ENTREP2: variants seen among roughly 807,000 people sequenced by gnomAD.
The protein encoded by ENTREP2 is endosomal transmembrane epsin interactor 2.
the ENTREP2 span, among the ~76,000 whole-genome samples, chr15:29,208,793 C>T: frequency 2.0e-5 from 3 of 152,146 alleles, no homozygotes; most frequent in African/African-American, 7.2e-5. Context: ...TCCACAATAG[C>T]CTCACACTGG....
At chr15:29,654,049 A>C in the ENTREP2 span, among the ~76,000 whole-genome samples, 3 of 152,346 alleles carry the variant, frequency 2.0e-5, no homozygotes, top group Middle Eastern at 3.4e-3. Context: ...ACAGATCAGT[A>C]TAGCTATACT....
chr15:29,503,112 T>C, the ENTREP2 span, among the ~76,000 whole-genome samples: 3 of 152,102 alleles, frequency 2.0e-5, no homozygotes, highest in Non-Finnish European at 4.4e-5. Flanking sequence ...CCTAACAGTA[T>C]TGAAAAGATA....
the ENTREP2 span, among the ~76,000 whole-genome samples, chr15:29,290,007 C>T: frequency 7.2e-5 from 11 of 152,250 alleles, no homozygotes; most frequent in South Asian, 4.1e-4. Flanking sequence ...GGAGGAACTA[C>T]GGCTAAATGC....
the ENTREP2 span, among the ~76,000 whole-genome samples, chr15:29,195,929 C>T: frequency 6.6e-6 from 1 of 152,132 alleles, no homozygotes; most frequent in Non-Finnish European, 1.5e-5. Context: ...TTTTGCTTTT[C>T]AGAATAAAAC....
At chr15:29,467,482 C>T in the ENTREP2 span, among the ~76,000 whole-genome samples, 4 of 152,216 alleles carry the variant, frequency 2.6e-5, no homozygotes, top group South Asian at 6.2e-4. Flanking sequence ...TCAGCTAAAA[C>T]GCCAAGGAAA....
chr15:29,551,814 G>T, the ENTREP2 span, among the ~76,000 whole-genome samples: 1 of 147,678 alleles, frequency 6.8e-6, no homozygotes, highest in African/African-American at 2.7e-5. Context: ...AAGAAGCAAG[G>T]GAGAAGCAAG....
the ENTREP2 span, among the ~76,000 whole-genome samples, chr15:29,419,240 G>C: frequency 3.9e-5 from 6 of 151,976 alleles, no homozygotes; most frequent in Non-Finnish European, 2.9e-5. Context: ...CAGAGAAAAA[G>C]ATGAATAAAA....
the ENTREP2 span, among the ~76,000 whole-genome samples, chr15:29,385,882 C>T: frequency 6.6e-6 from 1 of 152,128 alleles, no homozygotes; most frequent in Non-Finnish European, 1.5e-5. Context: ...TGGGCATGGA[C>T]ACAAGCAGCT....
chr15:29,179,854 C>T, the ENTREP2 span, among the ~76,000 whole-genome samples: 2 of 151,930 alleles, frequency 1.3e-5, no homozygotes, highest in East Asian at 1.9e-4. Flanking sequence ...CAAAGCGCTG[C>T]GATTACAGGC....
the ENTREP2 span, among the ~76,000 whole-genome samples, chr15:29,292,350 T>C: frequency 6.7e-6 from 1 of 150,142 alleles, no homozygotes; most frequent in Admixed American, 7.1e-5. Context: ...CTTCCTTCTT[T>C]CCTTCCTTCC....
the ENTREP2 span, among the ~76,000 whole-genome samples, chr15:29,260,262 C>T: frequency 6.6e-6 from 1 of 152,282 alleles, no homozygotes; most frequent in East Asian, 1.9e-4. Flanking sequence ...CGAAGTCAGA[C>T]AAAGACACTA....
the ENTREP2 span, among the ~76,000 whole-genome samples, chr15:29,623,761 G>C: frequency 6.6e-6 from 1 of 152,150 alleles, no homozygotes; most frequent in South Asian, 2.1e-4. Flanking sequence ...GCATGAGCCT[G>C]CAGGGACAGG....
chr15:29,561,426 G>A, the ENTREP2 span, among the ~76,000 whole-genome samples: 3 of 152,102 alleles, frequency 2.0e-5, no homozygotes, highest in African/African-American at 7.2e-5. Flanking sequence ...GGTGGCTCAC[G>A]CCTGTAATCC....
chr15:29,585,401 C>G, the ENTREP2 span, among the ~76,000 whole-genome samples: 1 of 152,082 alleles, frequency 6.6e-6, no homozygotes, highest in Non-Finnish European at 1.5e-5. Context: ...GCAGAGATGC[C>G]CAACATCATC....
the ENTREP2 span, among the ~76,000 whole-genome samples, chr15:29,325,825 C>A: frequency 3.3e-5 from 5 of 152,110 alleles, no homozygotes; most frequent in Non-Finnish European, 7.4e-5. Flanking sequence ...CAAGATCTCT[C>A]ATGGACATAA....
the ENTREP2 span, chr15:29,269,429 C>T: frequency 6.2e-7 from 1 of 1,614,140 alleles, no homozygotes; most frequent in Non-Finnish European, 8.5e-7. Flanking sequence ...AAGAACTGCA[C>T]CAGCTCGGAC....
chr15:29,356,379 T>C, the ENTREP2 span, among the ~76,000 whole-genome samples: 4 of 136,580 alleles, frequency 2.9e-5, no homozygotes, highest in Admixed American at 3.3e-4. Flanking sequence ...TGATCTCAGC[T>C]CACTGCAGGC....
chr15:29,549,696 G>A, the ENTREP2 span, among the ~76,000 whole-genome samples: 2 of 152,178 alleles, frequency 1.3e-5, no homozygotes, highest in Non-Finnish European at 2.9e-5. Context: ...GCTCTGCCCA[G>A]TTCATCCCTG....
chr15:29,620,506 C>T, the ENTREP2 span, among the ~76,000 whole-genome samples: 1 of 152,028 alleles, frequency 6.6e-6, no homozygotes, highest in African/African-American at 2.4e-5. Flanking sequence ...GGTGCAGTGG[C>T]TCACACCTAT....
Sources: allele counts gnomAD v4.1 joint callset (sites outside exome capture counted in the v4.1 genomes callset), GRCh38; gene constraint gnomAD v4.1.1; transcripts MANE v1.5; gene names NCBI Gene and HGNC (gene_info 2026-07-23, HGNC 2026-07-21).